The following CUBN variants were observed in gnomAD, a reference collection of about 807,000 sequenced individuals.
The protein encoded by CUBN is 460 kDa receptor.
Under a neutral mutation model 405.3 loss-of-function variants are expected in CUBN, and 282 were observed. The ratio of observed to expected loss-of-function variants is 0.70; its 90% CI spans 0.63 to 0.77. CUBN has a LOEUF of 0.77. CUBN is among the 30% of genes least tolerant of loss of function. CUBN has a pLI of 0.00. For synonymous variants in CUBN, 1,684 were observed against 1,617.0 expected, an observed-to-expected ratio of 1.04 and a Z score of -0.99; for missense variants, 4,514 against 4,475.2, an observed-to-expected ratio of 1.01 and a Z score of -0.25.
In CUBN at chr10:17,084,346, C is replaced by G. The variant is rs1836048913; in HGVS notation, c.2226G>C (p.Gln742His). The G allele has an allele frequency of 6.2e-7, 1 of 1,614,024 alleles. No homozygotes were observed. The highest frequency in any genetic ancestry group is 1.1e-5 in the South Asian group (1 of 91,086). The change falls in exon 17 of 67, where the codon CAG (glutamine) becomes CAC (histidine). Residue 742 changes from glutamine to histidine, a missense_variant. Physicochemically the swap from Gln to His is conservative, Grantham distance 24. Around this residue, in one of 5 missense-constraint regions of CUBN, gnomAD observed 1,448 missense variants for 1,388.0 expected, o/e 1.04. Transcript: ENST00000377833. Reference protein sequence around the residue: ...RQCVYMMKQPQGEQIQINFTH... With the variant: ...RQCVYMMKQPHGEQIQINFTH... The stretch of plus-strand genomic sequence containing the variant: ...TGAAGTTGATTTGTATTTGTTCTCC[C>G]TGGGGCTGCTTCATCATATAGACGC...
At chr10:17,029,090 T>C (rs1173865406) in intron 27 of CUBN, among the ~76,000 whole-genome samples, 1 of 152,230 alleles carries the variant, frequency 6.6e-6, no homozygotes, top group Non-Finnish European at 1.5e-5. Flanking sequence ...TTTTACTGCT[T>C]CAGGGTAGTT....
At chr10:16,923,179 T>C (rs10795432) in intron 43 of CUBN, among the ~76,000 whole-genome samples, 87,877 of 151,628 alleles carry the variant, frequency 0.58, 27,167 homozygotes, top group African/African-American at 0.81. Flanking sequence ...TCTGTCTCCT[T>C]TACCACACTG....
chr10:17,000,294 G>A (rs1012576922), intron 28 of CUBN, among the ~76,000 whole-genome samples: 1 of 130,400 alleles, frequency 7.7e-6, no homozygotes, highest in African/African-American at 3.2e-5. Flanking sequence ...CTCCCAGATC[G>A]GTGGATTCCA....
At chr10:17,035,006 T>C (rs74120111) in intron 27 of CUBN, among the ~76,000 whole-genome samples, 2,922 of 151,646 alleles carry the variant, frequency 0.019, 98 homozygotes, top group African/African-American at 0.067. Context: ...ACTTAGAGCC[T>C]GTGATGGCTG....
At chr10:17,028,448 C>T (rs979597195) in intron 27 of CUBN, among the ~76,000 whole-genome samples, 1 of 151,750 alleles carries the variant, frequency 6.6e-6, no homozygotes, top group Non-Finnish European at 1.5e-5. Context: ...CTGCCGGGTG[C>T]GATGGTTCAC....
At chr10:17,017,650 G>GA (rs1834368312) in intron 28 of CUBN, among the ~76,000 whole-genome samples, 1 of 152,144 alleles carries the variant, frequency 6.6e-6, no homozygotes, top group South Asian at 2.1e-4. Flanking sequence ...TCTGAGGAGG[G>GA]ATCCTAAAAT....
intron 43 of CUBN, among the ~76,000 whole-genome samples, chr10:16,923,468 C>G (rs116891533): frequency 0.02 from 2,999 of 152,112 alleles, 47 homozygotes; most frequent in Middle Eastern, 0.078. Flanking sequence ...GCCAGATAGA[C>G]GTGGGAAGTA....
At chr10:16,968,688 C>A (rs987390759) in intron 31 of CUBN, among the ~76,000 whole-genome samples, 2 of 152,214 alleles carry the variant, frequency 1.3e-5, no homozygotes, top group Non-Finnish European at 2.9e-5. Flanking sequence ...GCTTGCAGAG[C>A]TACATGAATC....
At chr10:17,045,313 C>A in intron 24 of CUBN, 125 bp from the exon 25 acceptor site, 1 of 904,784 alleles carries the variant, frequency 1.1e-6, no homozygotes, top group Non-Finnish European at 1.8e-6. Flanking sequence ...AAAATGGCAT[C>A]ATGAAAGAGT....
At chr10:16,893,756 A>G (rs1841102851) in intron 54 of CUBN, among the ~76,000 whole-genome samples, 1 of 152,170 alleles carries the variant, frequency 6.6e-6, no homozygotes, top group Non-Finnish European at 1.5e-5. Flanking sequence ...AATTTGTTTA[A>G]CCATTCACCT....
chr10:17,000,384 T>C (rs188436725), intron 28 of CUBN, among the ~76,000 whole-genome samples: 2 of 152,272 alleles, frequency 1.3e-5, no homozygotes, highest in African/African-American at 4.8e-5. Flanking sequence ...GGATTGCAAA[T>C]AACATCAGCT....
chr10:17,001,391 G>C (rs919884633), intron 28 of CUBN, among the ~76,000 whole-genome samples: 2 of 152,190 alleles, frequency 1.3e-5, no homozygotes, highest in Non-Finnish European at 2.9e-5. Context: ...GCGCTGGTTG[G>C]TCCACTTTAC....
chr10:16,923,003 C>A (rs540549345), intron 43 of CUBN, among the ~76,000 whole-genome samples: 2 of 152,146 alleles, frequency 1.3e-5, no homozygotes, highest in African/African-American at 4.8e-5. Flanking sequence ...AAGTGCGCCA[C>A]CATGTTCAGC....
At chr10:17,092,899 C>T (rs911641029) in intron 14 of CUBN, among the ~76,000 whole-genome samples, 1 of 152,130 alleles carries the variant, frequency 6.6e-6, no homozygotes, top group African/African-American at 2.4e-5. Flanking sequence ...TAAACTTGCT[C>T]TCACTTAAGA....
At chr10:16,887,188 G>T (rs1184474074) in intron 56 of CUBN, among the ~76,000 whole-genome samples, 4 of 152,362 alleles carry the variant, frequency 2.6e-5, no homozygotes, top group South Asian at 4.1e-4. Context: ...AATAGTGTGT[G>T]CATGAATGTG....
chr10:17,022,193 G>T (rs1305421294), intron 27 of CUBN, among the ~76,000 whole-genome samples: 2 of 152,164 alleles, frequency 1.3e-5, no homozygotes, highest in Non-Finnish European at 2.9e-5. Context: ...ATAAATCGCA[G>T]ATTTTTAAAC....
chr10:16,950,150 G>T, intron 33 of CUBN, 39 bp from the exon 34 acceptor site: 1 of 1,467,606 alleles, frequency 6.8e-7, no homozygotes, highest in Non-Finnish European at 9.5e-7. Context: ...TAAAGTACTG[G>T]CAAATAAAAC....
At chr10:16,848,253 C>T (rs1400376849) in intron 60 of CUBN, among the ~76,000 whole-genome samples, 1 of 152,146 alleles carries the variant, frequency 6.6e-6, no homozygotes, top group Non-Finnish European at 1.5e-5. Flanking sequence ...CCAGTCAACT[C>T]TCCTAGCAGG....
At chr10:16,967,971 CAG>C (rs374613163) in intron 31 of CUBN, among the ~76,000 whole-genome samples, 6 of 115,598 alleles carry the variant, frequency 5.2e-5, no homozygotes, top group African/African-American at 1.1e-4. Flanking sequence ...GACAGAAAGA[CAG>C]GGAGAGAGAG....
Sources: allele counts gnomAD v4.1 joint callset (sites outside exome capture counted in the v4.1 genomes callset), GRCh38; gene constraint gnomAD v4.1.1; regional missense constraint gnomAD v4.1.1; transcripts MANE v1.5; gene names NCBI Gene and HGNC (gene_info 2026-07-23, HGNC 2026-07-21).